Variants in MTARC1 observed in about 807,000 individuals in gnomAD.
MTARC1 encodes the protein mitochondrial amidoxime reducing component 1.
Under a neutral mutation model 33.6 loss-of-function variants are expected in MTARC1, and 24 were observed. The ratio of observed to expected loss-of-function variants is 0.72; its 90% CI spans 0.52 to 1.01. The LOEUF (loss-of-function observed/expected upper bound fraction) is 1.01, where lower values mean the gene tolerates loss of function less well. MTARC1 is among the 50% of genes least tolerant of loss of function. The pLI is 0.00. For missense variants in MTARC1, 417 were observed against 445.7 expected, an observed-to-expected ratio of 0.94 and a Z score of 0.58; for synonymous variants, 187 against 189.5, an observed-to-expected ratio of 0.99 and a Z score of 0.11.
intron 2 of MTARC1, among the ~76,000 whole-genome samples, chr1:220,796,116 TTAAA>T (rs1315972843): frequency 6.6e-6 from 1 of 151,930 alleles, no homozygotes; most frequent in Non-Finnish European, 1.5e-5. Flanking sequence ...ATTGTTATTA[TTAAA>T]TAAATATAAT....
intron 4 of MTARC1, among the ~76,000 whole-genome samples, chr1:220,804,324 C>G (rs1672903210): frequency 6.6e-6 from 1 of 152,210 alleles, no homozygotes; most frequent in African/African-American, 2.4e-5. Context: ...TAAACCAACA[C>G]ATGACGTGCT....
intron 4 of MTARC1, among the ~76,000 whole-genome samples, chr1:220,800,312 TG>T (rs1177689703): frequency 2.0e-5 from 3 of 152,012 alleles, no homozygotes; most frequent in African/African-American, 7.3e-5. Flanking sequence ...CATCATCGAG[TG>T]GGTTGCTGCC....
At chr1:220,804,092 G>A (rs1672894951) in intron 4 of MTARC1, among the ~76,000 whole-genome samples, 1 of 152,198 alleles carries the variant, frequency 6.6e-6, no homozygotes, top group Admixed American at 6.5e-5. Context: ...AGGGTAAGAA[G>A]GTCAGGACTA....
intron 2 of MTARC1, among the ~76,000 whole-genome samples, chr1:220,795,210 C>T (rs1359018035): frequency 2.6e-5 from 4 of 152,156 alleles, no homozygotes; most frequent in Non-Finnish European, 5.9e-5. Flanking sequence ...ATATCCCAGT[C>T]CTAAGAATTG....
intron 4 of MTARC1, among the ~76,000 whole-genome samples, chr1:220,800,472 G>A (rs1291317566): frequency 6.6e-6 from 1 of 152,222 alleles, no homozygotes; most frequent in African/African-American, 2.4e-5. Context: ...CCAGACGTGG[G>A]GACGTGACTA....
At chr1:220,800,639 AC>A (rs1672765061) in intron 4 of MTARC1, among the ~76,000 whole-genome samples, 1 of 149,534 alleles carries the variant, frequency 6.7e-6, no homozygotes, top group Non-Finnish European at 1.5e-5. Context: ...TGCCCTGAGG[AC>A]CCCTAACTAT....
At position 220,813,336 on chromosome 1, in the gene MTARC1, C is replaced by T. The variant is rs1348253487; in HGVS notation, c.932C>T (p.Ser311Leu). ...TCAGAACGAAAGTTATATGGAAAAT[C>T]ACCACTCTTTGGGCAGTATTTTGTG... ...DPSERKLYGK[S>L]PLFGQYFVLE... is the part of the protein sequence containing the mutation. The change falls in exon 7 of 7, where the codon TCA becomes TTA. Residue 311 changes from serine (S) to leucine (L), a missense_variant. Transcript: ENST00000366910. 6.2e-7 allele frequency: 1 copy of T among 1,614,148 alleles called. No individual in the cohort carries two copies. The highest frequency in any genetic ancestry group is 1.1e-5 in the South Asian group (1 of 91,080).
chr1:220,808,423 T>C (rs953838024), intron 6 of MTARC1, among the ~76,000 whole-genome samples: 12 of 152,334 alleles, frequency 7.9e-5, no homozygotes, highest in Admixed American at 2.6e-4. Context: ...TATCTCTTAC[T>C]GAGATTTAAA....
chr1:220,806,525 G>C (rs1186759380), intron 6 of MTARC1, among the ~76,000 whole-genome samples: 1 of 152,206 alleles, frequency 6.6e-6, no homozygotes, highest in East Asian at 1.9e-4. Flanking sequence ...TGTAACGTGA[G>C]GTTGTCTGCC....
Position 220,815,096 on chromosome 1 carries a change from C to G in MTARC1, c.*1678C>G, listed in dbSNP as rs1673254071. 6.6e-6 allele frequency: 1 copy of G among 152,234 alleles called. No homozygotes were observed. Among genetic ancestry groups the G allele is most frequent in the African/African-American group, 2.4e-5 (1 of 41,464 alleles). 9.4% of individuals were successfully genotyped at this position (152,234 alleles called of 1,614,324 possible). A position where few individuals can be genotyped will look rare whatever the true frequency, so the allele number is the denominator to read the frequency against. Reference sequence around the variant, plus strand: ...TAATTACATCAATTTTCCAGAGAACCTGGGCCATCACCTTCCCCAACAAGT... The same window carrying G: ...TAATTACATCAATTTTCCAGAGAACGTGGGCCATCACCTTCCCCAACAAGT... On this transcript the variant is annotated 3_prime_UTR_variant, in exon 7 of 7. Transcript: ENST00000366910.
intron 2 of MTARC1, among the ~76,000 whole-genome samples, chr1:220,795,676 A>T (rs745447773): frequency 2.6e-5 from 4 of 152,222 alleles, no homozygotes; most frequent in Non-Finnish European, 5.9e-5. Flanking sequence ...CAAACTTTAT[A>T]TGGCTACCTA....
chr1:220,799,182 C>A (rs1672711758), intron 4 of MTARC1: 1 of 983,228 alleles, frequency 1.0e-6, no homozygotes, highest in South Asian at 4.7e-5. Context: ...AAAGTACGCC[C>A]AAATCCACTG....
chr1:220,800,540 C>G (rs1345739138), intron 4 of MTARC1, among the ~76,000 whole-genome samples: 1 of 152,070 alleles, frequency 6.6e-6, no homozygotes, highest in Admixed American at 6.6e-5. Flanking sequence ...GGTCTCAAAC[C>G]CTTTCTCATT....
intron 6 of MTARC1, among the ~76,000 whole-genome samples, chr1:220,805,569 T>A (rs1334664246): frequency 6.6e-6 from 1 of 152,154 alleles, no homozygotes; most frequent in Non-Finnish European, 1.5e-5. Flanking sequence ...AAGTATTAGA[T>A]GATACCAAAA....
At chr1:220,810,284 T>C (rs1247511941) in intron 6 of MTARC1, among the ~76,000 whole-genome samples, 1 of 152,184 alleles carries the variant, frequency 6.6e-6, no homozygotes, top group African/African-American at 2.4e-5. Flanking sequence ...CACGAATTCA[T>C]AGACTGCTTG....
chr1:220,813,208 G>GC (rs531770176), intron 6 of MTARC1, 84 bp from the exon 7 acceptor site: 531 of 1,583,784 alleles, frequency 3.4e-4, no homozygotes, highest in Non-Finnish European at 4.3e-4. Context: ...GCGTGCGGAG[G>GC]CCCTGTGTGG....
rs1477914877 is a variant in MTARC1 at position 220,813,486 on chromosome 1, G to A, written c.*68G>A. 2.5e-6 allele frequency: 4 copies of A among 1,584,996 alleles called. No individual in the cohort carries two copies. In the African/African-American group the frequency reaches 4.1e-5, roughly 16 times the overall value. ...GTTCTCAAAAATGACAACACTTGAA[G>A]CATGGTGTTTCAGAACTGAGACCTC... is the stretch of plus-strand genomic sequence containing the variant. On this transcript the variant is annotated 3_prime_UTR_variant, in exon 7 of 7. Transcript: ENST00000366910.
chr1:220,818,643 T>C lies in MTARC1; in HGVS notation c.*5225T>C, dbSNP rs1673327484. On this transcript the variant is annotated 3_prime_UTR_variant, in exon 7 of 7. Transcript: ENST00000366910. Reference sequence around the variant, plus strand: ...ATCCCTGACCTGGTATTGGTCAGTCTCCAATCCTGGTGGATCCCTGTGGGA... The same window carrying C: ...ATCCCTGACCTGGTATTGGTCAGTCCCCAATCCTGGTGGATCCCTGTGGGA... 1 of 152,228 alleles carries C rather than the reference T, an allele frequency of 6.6e-6. No homozygotes were observed. The highest frequency in any genetic ancestry group is 2.4e-5 in the African/African-American group (1 of 41,470). 9.4% of individuals were successfully genotyped at this position (152,228 alleles called of 1,614,324 possible).
intron 6 of MTARC1, among the ~76,000 whole-genome samples, chr1:220,810,277 G>A (rs914334712): frequency 3.3e-5 from 5 of 152,126 alleles, no homozygotes; most frequent in Admixed American, 1.3e-4. Flanking sequence ...GTGTGCGCAC[G>A]AATTCATAGA....
Sources: allele counts gnomAD v4.1 joint callset (sites outside exome capture counted in the v4.1 genomes callset), GRCh38; gene constraint gnomAD v4.1.1; transcripts MANE v1.5; gene names NCBI Gene and HGNC (gene_info 2026-07-23, HGNC 2026-07-21).